Variants in SERPINB4 observed in about 807,000 individuals in gnomAD.
The protein encoded by SERPINB4 is serpin B4.
SERPINB4 carries 39 observed loss-of-function variants against 33.2 expected under a neutral mutation model. The observed-to-expected ratio is 1.18, with a 90% CI of 0.91 to 1.53. The LOEUF (loss-of-function observed/expected upper bound fraction) is 1.53, where lower values mean the gene tolerates loss of function less well. Ranked by LOEUF, SERPINB4 falls within the 40% of genes most tolerant of loss-of-function variation. The pLI is 0.00. For synonymous variants in SERPINB4, 191 were observed against 166.4 expected, an observed-to-expected ratio of 1.15 and a Z score of -1.14; for missense variants, 564 against 455.4, an observed-to-expected ratio of 1.24 and a Z score of -2.17.
chr18:63,644,188 G>C (rs1264744031), intron 1 of SERPINB4, 21 bp downstream of exon 1: 1 of 152,530 alleles, frequency 6.6e-6, no homozygotes, highest in Non-Finnish European at 1.5e-5. Flanking sequence ...TTATTAAGCT[G>C]GAGAGGCTTG....
chr18:63,640,821 G>A, intron 5 of SERPINB4, 53 bp downstream of exon 5: 2 of 1,479,728 alleles, frequency 1.4e-6, no homozygotes, highest in Non-Finnish European at 1.9e-6. Context: ...CAAGCACAAG[G>A]CTCACTGGCA....
In SERPINB4 at chr18:63,637,385, G is replaced by A. The variant is rs994895067; in HGVS notation, c.*334C>T. 2.6e-5 allele frequency: 5 copies of A among 195,924 alleles called. No homozygotes were observed. Among genetic ancestry groups the A allele is most frequent in the South Asian group, 1.8e-4 (1 of 5,568 alleles). The allele number at this position is 195,924 out of a possible 1,614,324, so 12.1% of individuals were successfully genotyped here. A position where few individuals can be genotyped will look rare whatever the true frequency, so the allele number is the denominator to read the frequency against. ...GTTTCTAGGTTGCTAAATTTGAAGA[G>A]AAAGTATGATTTGGTTTGGTTCATT... is the stretch of plus-strand genomic sequence containing the variant. On this transcript the variant is annotated 3_prime_UTR_variant, in exon 8 of 8. Transcript: ENST00000341074.
rs774448216 is a variant in SERPINB4 at position 63,641,882 on chromosome 18, T to TATCA, written c.225_228dup (p.Arg77Ter). 12 of 1,613,048 alleles carry TATCA rather than the reference T, an allele frequency of 7.4e-6. No homozygotes were observed. The African/African-American group carries it at 1.6e-4, about 22-fold the overall frequency. On this transcript the variant is annotated stop_gained and frameshift_variant, in exon 4 of 8. Transcript: ENST00000341074. LOFTEE classifies it high-confidence loss of function. ...AACTGGTGATGAACATTTCCTGACC[T>TATCA]ATCAACCTTCAAACATCAAAAAGGG...
chr18:63,641,128 T>G, intron 4 of SERPINB4, 137 bp from the exon 5 acceptor site: 1 of 698,642 alleles, frequency 1.4e-6, no homozygotes. Flanking sequence ...ATGGATATTT[T>G]TATACAGGTG....
rs757988467 is a variant in SERPINB4 at position 63,637,928 on chromosome 18, C to T, written c.964G>A (p.Gly322Ser). 44 of 1,613,452 alleles carry T rather than the reference C, an allele frequency of 2.7e-5. No individual in the cohort carries two copies. Among genetic ancestry groups the T allele is most frequent in the South Asian group, 9.9e-5 (9 of 91,062 alleles). The stretch of plus-strand genomic sequence containing the variant: ...TGTAGGACTTTAGATACTGAGAGAC[C>T]GTGGCTCCAGGTCATGCCTGAGAGG... ...ADLSGMTWSH[G>S]LSVSKVLHKA... is the part of the protein sequence containing the mutation. The change falls in exon 8 of 8, where the codon GGT becomes AGT. Residue 322 changes from glycine to serine, a missense_variant. Physicochemically the swap from Gly to Ser is moderately conservative, Grantham distance 56. Transcript: ENST00000341074.
In SERPINB4 at chr18:63,640,920, T is replaced by C; in HGVS notation, c.423A>G (p.Glu141=). The change falls in exon 5 of 8, where the codon GAA becomes GAG. Residue 141 remains glutamate, a synonymous_variant. Transcript: ENST00000341074. ...AGGAGTTAATCTTCTTTCGACTTTCTTCTGGAGCATTTGCAAAATCAGTAG... is the reference window on the plus strand; with the variant it reads ...AGGAGTTAATCTTCTTTCGACTTTCCTCTGGAGCATTTGCAAAATCAGTAG... ...VESTDFANAP[E]ESRKKINSWV... The C allele has an allele frequency of 6.2e-7, 1 of 1,612,948 alleles. No homozygotes were observed. The highest frequency in any genetic ancestry group is 8.5e-7 in the Non-Finnish European group (1 of 1,179,296).
chr18:63,643,086 T>C, intron 3 of SERPINB4, 75 bp downstream of exon 3: 1 of 1,594,658 alleles, frequency 6.3e-7, no homozygotes, highest in South Asian at 1.1e-5. Flanking sequence ...CTTTTCTTAG[T>C]TTTTGTGAAG....
rs1389045178 is a variant in SERPINB4, at chr18:63,643,431, A to C, written c.147T>G (p.Thr49=). ...GMVLLGAKDN[T]AQQISKVLHF... is the part of the protein sequence containing the mutation. ...TAGCTACCTTGCTAATTTGTTGTGC[A>C]GTGTTGTCTTTGGCTCCTAAGAGGA... Residue 49 remains threonine, a synonymous_variant, in exon 2 of 8, where the codon ACT becomes ACG. Coordinates refer to ENST00000341074, the MANE Select transcript of SERPINB4 (RefSeq NM_002974.4). The C allele has an allele frequency of 6.2e-7, 1 of 1,613,656 alleles. No individual in the cohort carries two copies. Among genetic ancestry groups the C allele is most frequent in the African/African-American group, 1.3e-5 (1 of 74,996 alleles).
intron 1 of SERPINB4, 92 bp from the exon 2 acceptor site, chr18:63,643,695 T>C (rs926012179): frequency 2.2e-6 from 3 of 1,376,904 alleles, no homozygotes; most frequent in South Asian, 1.4e-5. Flanking sequence ...TATATCTGGG[T>C]TGTGAGATTT....
At chr18:63,641,290 A>T (rs1371982595) in intron 4 of SERPINB4, among the ~76,000 whole-genome samples, 1 of 152,020 alleles carries the variant, frequency 6.6e-6, no homozygotes, top group Non-Finnish European at 1.5e-5. Flanking sequence ...TGCTTCTCAG[A>T]CTTCTCTCCA....
chr18:63,638,398 A>T (rs1795197595), intron 7 of SERPINB4, among the ~76,000 whole-genome samples: 2 of 152,080 alleles, frequency 1.3e-5, no homozygotes, highest in South Asian at 4.1e-4. Context: ...ATACAACTGT[A>T]TGATACACAT....
chr18:63,639,049 G>T, intron 7 of SERPINB4, 136 bp downstream of exon 7: 1 of 993,062 alleles, frequency 1.0e-6, no homozygotes, highest in Non-Finnish European at 1.4e-6. Flanking sequence ...TAATATGAAG[G>T]TGAGTCATCA....
chr18:63,639,232 G>T lies in SERPINB4; in HGVS notation c.721C>A (p.Leu241Ile), dbSNP rs759137963. Residue 241 changes from leucine to isoleucine, a missense_variant, in exon 7 of 8, where the codon CTA becomes ATA. Coordinates refer to ENST00000341074, the MANE Select transcript of SERPINB4 (RefSeq NM_002974.4). ...TTTGGCAGCAGCACAATCATGCTTA[G>T]ATCTTTGCCTTTGTATGGTATTTCC... The part of the protein sequence containing the change: ...VLEIPYKGKD[L>I]SMIVLLPNEI... 1.2e-6 allele frequency: 2 copies of T among 1,612,774 alleles called. No homozygotes were observed. Among genetic ancestry groups the T allele is most frequent in the Non-Finnish European group, 1.7e-6 (2 of 1,179,188 alleles).
At chr18:63,643,028 A>G (rs1486623077) in intron 3 of SERPINB4, 133 bp downstream of exon 3, 11 of 1,060,826 alleles carry the variant, frequency 1.0e-5, no homozygotes, top group Non-Finnish European at 1.5e-5. Flanking sequence ...ATGCCAACCC[A>G]CTCTGTATGT....
intron 5 of SERPINB4, 58 bp downstream of exon 5, chr18:63,640,816 A>G: frequency 6.8e-7 from 1 of 1,462,900 alleles, no homozygotes; most frequent in Admixed American, 1.7e-5. Context: ...AGTGTCAAGC[A>G]CAAGGCTCAC....
At chr18:63,642,264 T>TG (rs1351218321) in intron 3 of SERPINB4, among the ~76,000 whole-genome samples, 1 of 152,122 alleles carries the variant, frequency 6.6e-6, no homozygotes, top group Non-Finnish European at 1.5e-5. Flanking sequence ...ACGAGTATGT[T>TG]GAAGGTTGGA....
intron 3 of SERPINB4, 49 bp downstream of exon 3, chr18:63,643,112 A>C: frequency 6.2e-7 from 1 of 1,610,568 alleles, no homozygotes; most frequent in Non-Finnish European, 8.5e-7. Context: ...GGTTTAAACT[A>C]TGACCTGTTC....
Position 63,637,816 on chromosome 18 carries a change from G to C in SERPINB4, c.1076C>G (p.Thr359Ser). The change falls in exon 8 of 8, where the codon ACT (threonine) becomes AGT (serine). Residue 359 changes from threonine (T) to serine (S), a missense_variant. Physicochemically the swap from Thr to Ser is moderately conservative, Grantham distance 58. Transcript: ENST00000341074. ...GTGATTACAACAGAACTCTTCATTA[G>C]TTGAAGGAGATGATAATTCGACTAC... The part of the protein sequence containing the change: ...VVVVELSSPS[T>S]NEEFCCNHPF... 1 of 1,613,542 alleles carries C rather than the reference G, an allele frequency of 6.2e-7. No individual in the cohort carries two copies. Among genetic ancestry groups the C allele is most frequent in the Non-Finnish European group, 8.5e-7 (1 of 1,179,674 alleles).
chr18:63,639,364 C>T, intron 6 of SERPINB4, 24 bp from the exon 7 acceptor site: 1 of 1,582,850 alleles, frequency 6.3e-7, no homozygotes, highest in Non-Finnish European at 8.6e-7. Context: ...ATGTGTCCAA[C>T]AAATAACACG....
Sources: allele counts gnomAD v4.1 joint callset (sites outside exome capture counted in the v4.1 genomes callset), GRCh38; gene constraint gnomAD v4.1.1; transcripts MANE v1.5; gene names NCBI Gene and HGNC (gene_info 2026-07-23, HGNC 2026-07-21).